The following JAK2 variants were observed in gnomAD, a reference collection of about 807,000 sequenced individuals.
JAK2 encodes the protein Janus kinase 2.
A neutral mutation model predicts 139.3 loss-of-function variants in JAK2; 86 were observed. That is an observed-to-expected ratio of 0.62 (90% CI 0.52 to 0.74). JAK2 has a LOEUF of 0.74. JAK2 is among the 30% of genes least tolerant of loss of function. JAK2 has a pLI of 0.00. For synonymous variants in JAK2, 490 were observed against 437.7 expected (o/e 1.12, Z -1.49); for missense variants, 1,421 against 1,360.3 (o/e 1.04, Z -0.70).
chr9:5,056,329 G>A (rs1421369619), intron 8 of JAK2, among the ~76,000 whole-genome samples: 1 of 151,948 alleles, frequency 6.6e-6, no homozygotes, highest in Non-Finnish European at 1.5e-5. Flanking sequence ...TAGGAGAAAT[G>A]AATTATTTTA....
At chr9:5,111,661 C>G (rs1469424636) in intron 22 of JAK2, 1 of 404,064 alleles carries the variant, frequency 2.5e-6, no homozygotes, top group Non-Finnish European at 4.8e-6. Flanking sequence ...CCCTCCCGCC[C>G]AGCAGCGGCC....
At chr9:5,060,030 G>A (rs1458544567) in intron 8 of JAK2, among the ~76,000 whole-genome samples, 2 of 152,148 alleles carry the variant, frequency 1.3e-5, no homozygotes, top group Non-Finnish European at 2.9e-5. Context: ...ATTTTGCAAT[G>A]AAGTGAGTCA....
intron 11 of JAK2, among the ~76,000 whole-genome samples, chr9:5,069,651 T>G (rs1025138221): frequency 1.3e-5 from 2 of 152,138 alleles, no homozygotes; most frequent in African/African-American, 4.8e-5. Flanking sequence ...GTTACTATAA[T>G]TTTGAATTAA....
chr9:5,059,151 C>G (rs970819356), intron 8 of JAK2, among the ~76,000 whole-genome samples: 1 of 152,142 alleles, frequency 6.6e-6, no homozygotes, highest in Non-Finnish European at 1.5e-5. Flanking sequence ...ATTTGTACAT[C>G]TTTGTAGCCA....
intron 19 of JAK2, among the ~76,000 whole-genome samples, chr9:5,084,165 A>G (rs970997307): frequency 2.0e-5 from 3 of 152,166 alleles, no homozygotes; most frequent in Admixed American, 6.5e-5. Context: ...TACATGTACA[A>G]TGAAATATAT....
At chr9:5,004,049 A>G (rs987406833) in intron 2 of JAK2, among the ~76,000 whole-genome samples, 25 of 152,190 alleles carry the variant, frequency 1.6e-4, no homozygotes, top group African/African-American at 5.8e-4. Flanking sequence ...ATGGTGTACA[A>G]CATGACATTT....
chr9:5,060,140 A>T (rs1818060827), intron 8 of JAK2, among the ~76,000 whole-genome samples: 1 of 152,218 alleles, frequency 6.6e-6, no homozygotes. Flanking sequence ...AATTAATTTA[A>T]AACACTTTAT....
intron 14 of JAK2, among the ~76,000 whole-genome samples, chr9:5,075,760 T>G (rs1819267681): frequency 6.6e-6 from 1 of 152,176 alleles, no homozygotes; most frequent in Non-Finnish European, 1.5e-5. Context: ...AAGGAGTTAT[T>G]TCAACTTTCA....
At chr9:5,118,117 C>T (rs577721144) in intron 22 of JAK2, among the ~76,000 whole-genome samples, 4 of 152,138 alleles carry the variant, frequency 2.6e-5, no homozygotes, top group Admixed American at 1.3e-4. Context: ...GCGGAGACCT[C>T]GCCACTGCAC....
At chr9:5,079,841 G>T (rs997113188) in intron 16 of JAK2, among the ~76,000 whole-genome samples, 7 of 149,998 alleles carry the variant, frequency 4.7e-5, no homozygotes, top group African/African-American at 7.4e-5. Context: ...TTTTTTTTTT[G>T]AAGGTAAAAC....
At chr9:5,072,232 A>G (rs1330499128) in intron 12 of JAK2, among the ~76,000 whole-genome samples, 1 of 152,174 alleles carries the variant, frequency 6.6e-6, no homozygotes, top group Non-Finnish European at 1.5e-5. Context: ...AAAAGTGACA[A>G]TTATAGCCCA....
At chr9:4,988,527 A>G (rs1474644271) in intron 2 of JAK2, among the ~76,000 whole-genome samples, 1 of 152,214 alleles carries the variant, frequency 6.6e-6, no homozygotes, top group Admixed American at 6.5e-5. Context: ...AAATTTGCTA[A>G]GACTCAGAGC....
chr9:5,123,816 A>AT (rs2130856065), intron 23 of JAK2, among the ~76,000 whole-genome samples: 1 of 150,564 alleles, frequency 6.6e-6, no homozygotes, highest in East Asian at 2.0e-4. Context: ...AACATCTGTT[A>AT]TTTTTTCTCT....
intron 4 of JAK2, among the ~76,000 whole-genome samples, chr9:5,042,595 G>A (rs1264178820): frequency 1.3e-5 from 2 of 148,312 alleles, no homozygotes; most frequent in African/African-American, 2.6e-5. Flanking sequence ...GGCCCCCAGG[G>A]CTGAGGCCCA....
At chr9:5,074,343 A>G (rs1200475311) in intron 14 of JAK2, among the ~76,000 whole-genome samples, 1 of 152,076 alleles carries the variant, frequency 6.6e-6, no homozygotes, top group African/African-American at 2.4e-5. Flanking sequence ...TGTATTTTTT[A>G]CATATTGAAG....
intron 13 of JAK2, 128 bp from the exon 14 acceptor site, chr9:5,073,570 T>C (rs951335246): frequency 2.2e-5 from 16 of 720,652 alleles, no homozygotes; most frequent in Admixed American, 4.4e-5. Context: ...CCAAAGCACA[T>C]TGTATCCTCA....
chr9:5,063,181 T>C (rs553607999), intron 8 of JAK2, among the ~76,000 whole-genome samples: 1 of 152,312 alleles, frequency 6.6e-6, no homozygotes, highest in African/African-American at 2.4e-5. Context: ...CCAAGAAATA[T>C]GCTGTAATCA....
At chr9:5,027,889 T>C (rs1822881617) in intron 3 of JAK2, among the ~76,000 whole-genome samples, 1 of 152,206 alleles carries the variant, frequency 6.6e-6, no homozygotes, top group Non-Finnish European at 1.5e-5. Flanking sequence ...TTAGTTCTCT[T>C]GTTACTTCTA....
rs373683318 is a variant in JAK2, at chr9:5,073,695, T to C, written c.1777-3T>C. 3 of 1,605,738 alleles carry C rather than the reference T, an allele frequency of 1.9e-6. No homozygotes were observed. The African/African-American group carries it at 4.0e-5, about 22-fold the overall frequency. On this transcript the variant is annotated splice_polypyrimidine_tract_variant and splice_region_variant and intron_variant, in intron 13 of 24. Coordinates refer to ENST00000381652, the MANE Select transcript of JAK2 (RefSeq NM_004972.4). ...AATTCTTTGTACTTTTTTTTTTCCT[T>C]AGTCTTTCTTTGAAGCAGCAAGTAT...
Sources: gnomAD v4.1 joint callset for allele counts (sites outside exome capture counted in the v4.1 genomes callset) on GRCh38, gnomAD v4.1.1 for gene constraint, MANE v1.5 for transcripts, NCBI Gene and HGNC (gene_info 2026-07-23, HGNC 2026-07-21) for gene names.